Variants in ASB6 observed in about 807,000 individuals in gnomAD.
ASB6 encodes ankyrin repeat and SOCS box protein 6.
A neutral mutation model predicts 28.6 loss-of-function variants in ASB6; 24 were observed. The observed-to-expected ratio is 0.84, with a 90% CI of 0.61 to 1.18. The LOEUF is 1.18. Ranked by LOEUF, ASB6 falls within the 50% of genes most tolerant of loss-of-function variation. The pLI is 0.00. For synonymous variants in ASB6, 267 were observed against 243.4 expected (o/e 1.10, Z -0.90); for missense variants, 519 against 559.8 (o/e 0.93, Z 0.74).
chr9:129,639,166 G>A (rs758862699), intron 4 of ASB6, 36 bp downstream of exon 4: 9 of 1,563,034 alleles, frequency 5.8e-6, no homozygotes, highest in South Asian at 3.5e-5. Flanking sequence ...GTGCCTGGGG[G>A]CCCAGCTGTC....
rs892166954 is a variant in ASB6, at chr9:129,642,039, C to T, written c.-40G>A. 3.9e-6 allele frequency: 6 copies of T among 1,549,152 alleles called. No individual in the cohort carries two copies. In the African/African-American group the frequency reaches 4.3e-5, roughly 11 times the overall value. ...CGCAGCAGGGCCGTCGCGCTTTCTG[C>T]CGAGGCCGAGATGCCCAGACGCCGA... is the stretch of plus-strand genomic sequence containing the variant. On this transcript the variant is annotated 5_prime_UTR_variant, in exon 1 of 6. Coordinates refer to ENST00000277458, the MANE Select transcript of ASB6 (RefSeq NM_017873.4). The surrounding 1 kb of genome is among the most constrained non-coding windows in gnomAD (Gnocchi z 4.3).
In ASB6 at chr9:129,635,326, C is replaced by A. The variant is rs759109241; in HGVS notation, c.*2464G>T. 1.2e-6 allele frequency: 2 copies of A among 1,613,844 alleles called. No homozygotes were observed. The highest frequency in any genetic ancestry group is 1.7e-6 in the Non-Finnish European group (2 of 1,180,046). On this transcript the variant is annotated 3_prime_UTR_variant, in exon 6 of 6. Transcript: ENST00000277458. ...CCCAGGAGGGCGTGATTCTGGACGA[C>A]GTGGACAGCAGCGTGTGCCGGGACC...
chr9:129,640,538 G>C lies in ASB6; in HGVS notation c.295+3C>G, dbSNP rs1184379985. The C allele has an allele frequency of 5.6e-6, 9 of 1,603,590 alleles. No homozygotes were observed. Among genetic ancestry groups the C allele is most frequent in the Non-Finnish European group, 7.7e-6 (9 of 1,175,922 alleles). On this transcript the variant is annotated splice_donor_region_variant and intron_variant, in intron 2 of 5. Coordinates refer to ENST00000277458, the MANE Select transcript of ASB6 (RefSeq NM_017873.4). ...CCTGCCCACCCCCGGGGCTCTCGCT[G>C]ACCTTCAAAGTTGAGATTGGCCCCA...
chr9:129,640,081 C>G (rs1046415742), intron 2 of ASB6, among the ~76,000 whole-genome samples: 5 of 152,216 alleles, frequency 3.3e-5, no homozygotes, highest in Admixed American at 2.6e-4. Context: ...ATCTCCATCC[C>G]TGGCACTCAG....
chr9:129,639,420 G>T lies in ASB6; in HGVS notation c.384C>A (p.Asp128Glu). ...MVELLVHHGA[D>E]VNRRDRIHES... ...CACTTACCCGGTCCCTCCGATTAACGTCGGCCCCGTGATGCACCAGCAGCT... is the reference window on the plus strand; with the variant it reads ...CACTTACCCGGTCCCTCCGATTAACTTCGGCCCCGTGATGCACCAGCAGCT... Residue 128 changes from aspartate (D) to glutamate (E), a missense_variant, in exon 3 of 6, where the codon GAC (aspartate) becomes GAA (glutamate). Transcript: ENST00000277458. 4 of 1,612,784 alleles carry T rather than the reference G, an allele frequency of 2.5e-6. No individual in the cohort carries two copies. Among genetic ancestry groups the T allele is most frequent in the Non-Finnish European group, 3.4e-6 (4 of 1,179,122 alleles).
rs1831707168 is a variant in ASB6, at chr9:129,641,762, CCG to C, written c.113+123_113+124del. On this transcript the variant is annotated intron_variant, in intron 1 of 5. Transcript: ENST00000277458. ...AGCGCGCACTCCGAGCCACGCAACC[CCG>C]GCTTCCGCCCGTCCCTTCCTCTGTC... The C allele has an allele frequency of 5.6e-6, 6 of 1,076,450 alleles. No homozygotes were observed. The South Asian group carries it at 7.7e-5, about 14-fold the overall frequency. 66.7% of individuals were successfully genotyped at this position (1,076,450 alleles called of 1,614,324 possible). A position where few individuals can be genotyped will look rare whatever the true frequency, so the allele number is the denominator to read the frequency against.
intron 4 of ASB6, 140 bp from the exon 5 acceptor site, chr9:129,638,799 C>T (rs1013931094): frequency 1.1e-5 from 8 of 710,090 alleles, no homozygotes; most frequent in Non-Finnish European, 1.9e-5. Flanking sequence ...CAGGTGAGGG[C>T]TGAGGGTGAC....
At chr9:129,638,505 T>G in intron 5 of ASB6, 48 bp from the exon 6 acceptor site, 1 of 1,609,116 alleles carries the variant, frequency 6.2e-7, no homozygotes, top group Non-Finnish European at 8.5e-7. Context: ...CCTTCAACCC[T>G]GGCAAAGCAA....
chr9:129,639,577 GC>G (rs1831643746), intron 2 of ASB6, 69 bp from the exon 3 acceptor site: 1 of 1,376,350 alleles, frequency 7.3e-7, no homozygotes, highest in Non-Finnish European at 1.0e-6. Flanking sequence ...CGGACCCAGA[GC>G]CCAGCCCCAA....
Position 129,640,621 on chromosome 9 carries a change from G to C in ASB6, c.215C>G (p.Ala72Gly). 6.2e-7 allele frequency: 1 copy of C among 1,614,044 alleles called. No homozygotes were observed. Among genetic ancestry groups the C allele is most frequent in the Non-Finnish European group, 8.5e-7 (1 of 1,180,002 alleles). The part of the protein sequence containing the change: ...SPFYQEGVSN[A>G]LLKMAELGLT... ...CCCCAGCTCAGCCATCTTGAGCAGG[G>C]CGTTGCTCACGCCTTCCTGGTAAAA... is the stretch of plus-strand genomic sequence containing the variant. The change falls in exon 2 of 6, where the codon GCC (alanine) becomes GGC (glycine). Residue 72 changes from alanine to glycine, a missense_variant. Ala to Gly is a moderately conservative substitution (Grantham distance 60). Coordinates refer to ENST00000277458, the MANE Select transcript of ASB6 (RefSeq NM_017873.4).
At chr9:129,640,392 G>A in intron 2 of ASB6, 149 bp downstream of exon 2, 1 of 1,125,192 alleles carries the variant, frequency 8.9e-7, no homozygotes, top group Non-Finnish European at 1.2e-6. Context: ...GCCACCCAAT[G>A]GGAGTTTCCT....
In ASB6 at chr9:129,635,083, G is replaced by T. The variant is rs1403572645; in HGVS notation, c.*2707C>A. The T allele has an allele frequency of 9.0e-7, 1 of 1,105,800 alleles. No homozygotes were observed. The highest frequency in any genetic ancestry group is 1.3e-6 in the Non-Finnish European group (1 of 769,570). The allele number at this position is 1,105,800 out of a possible 1,614,324, so 68.5% of individuals were successfully genotyped here. A position where few individuals can be genotyped will look rare whatever the true frequency, so the allele number is the denominator to read the frequency against. On this transcript the variant is annotated 3_prime_UTR_variant, in exon 6 of 6. Transcript: ENST00000277458. ...ATCTCTCGGGACTGAGAGCCAATGA[G>T]GCCATGTGTGCACACAAAATGCTGG... is the stretch of plus-strand genomic sequence containing the variant.
chr9:129,637,870 C>A lies in ASB6; in HGVS notation c.1186G>T (p.Val396Phe). 6.5e-7 allele frequency: 1 copy of A among 1,549,096 alleles called. No individual in the cohort carries two copies. Among genetic ancestry groups the A allele is most frequent in the Non-Finnish European group, 8.7e-7 (1 of 1,148,330 alleles). The change falls in exon 6 of 6, where the codon GTC becomes TTC. Residue 396 changes from valine (V) to phenylalanine (F), a missense_variant. Coordinates refer to ENST00000277458, the MANE Select transcript of ASB6 (RefSeq NM_017873.4). ...YLQPWPVDVK[V>F]KALPLPDRLK... Reference sequence around the variant, plus strand: ...CTGTCGGGCAGAGGCAGGGCTTTGACCTTCACATCCACAGGCCACGGCTGA... The same window carrying A: ...CTGTCGGGCAGAGGCAGGGCTTTGAACTTCACATCCACAGGCCACGGCTGA...
chr9:129,640,826 G>C, intron 1 of ASB6, 104 bp from the exon 2 acceptor site: 3 of 1,398,260 alleles, frequency 2.1e-6, no homozygotes, highest in Non-Finnish European at 2.9e-6. Context: ...TCAGCAAGCA[G>C]GGCCCTGGCT....
In ASB6 at chr9:129,634,742, T is replaced by G; in HGVS notation, c.*3048A>C. ...CGTGGCGGCAGGCCGCTAGCAGCAG[T>G]CGGCCACCTCCTGAGGCGGGCAGCA... is the stretch of plus-strand genomic sequence containing the variant. On this transcript the variant is annotated 3_prime_UTR_variant, in exon 6 of 6. Transcript: ENST00000277458. 4.6e-6 allele frequency: 1 copy of G among 218,970 alleles called. No individual in the cohort carries two copies. The allele number at this position is 218,970 out of a possible 1,614,324, so 13.6% of individuals were successfully genotyped here.
intron 4 of ASB6, 94 bp from the exon 5 acceptor site, chr9:129,638,753 G>T: frequency 2.0e-6 from 2 of 987,788 alleles, no homozygotes; most frequent in East Asian, 2.6e-5. Flanking sequence ...ACACTCAGAG[G>T]ATCAGAAGAT....
intron 1 of ASB6, chr9:129,641,002 C>T (rs1831684750): frequency 5.2e-6 from 2 of 381,592 alleles, no homozygotes; most frequent in South Asian, 2.8e-5. Flanking sequence ...CAAAGCCTCA[C>T]ACACCTGGGC....
At position 129,637,553 on chromosome 9, in the gene ASB6, A is replaced by G. The variant is rs1221367799; in HGVS notation, c.*237T>C. On this transcript the variant is annotated 3_prime_UTR_variant, in exon 6 of 6. Transcript: ENST00000277458. ...TCCAAGCCCTGTTCCTCTTTCCAACATGGGGGGGACTTGGAGTGCCGCTGG... is the reference window on the plus strand; with the variant it reads ...TCCAAGCCCTGTTCCTCTTTCCAACGTGGGGGGGACTTGGAGTGCCGCTGG... 4 of 392,012 alleles carry G rather than the reference A, an allele frequency of 1.0e-5. No homozygotes were observed. The highest frequency in any genetic ancestry group is 2.1e-5 in the African/African-American group (1 of 48,460). The allele number at this position is 392,012 out of a possible 1,614,324, so 24.3% of individuals were successfully genotyped here.
chr9:129,639,080 G>C, intron 4 of ASB6, 122 bp downstream of exon 4: 1 of 991,858 alleles, frequency 1.0e-6, no homozygotes, highest in South Asian at 1.6e-5. Flanking sequence ...CAGCCATGCT[G>C]TGCCACCAGC....
Sources: gnomAD v4.1 joint callset for allele counts (sites outside exome capture counted in the v4.1 genomes callset) on GRCh38, gnomAD v4.1.1 for gene constraint, Gnocchi (gnomAD v3.1) non-coding constraint, MANE v1.5 for transcripts, NCBI Gene and HGNC (gene_info 2026-07-23, HGNC 2026-07-21) for gene names.